The following PARD3B variants were observed in gnomAD, a reference collection of about 807,000 sequenced individuals.
PARD3B encodes partitioning defective 3 homolog B.
PARD3B carries 103 observed loss-of-function variants against 130.2 expected under a neutral mutation model. The observed-to-expected ratio is 0.79, with a 90% CI of 0.67 to 0.93. PARD3B has a LOEUF of 0.93. Among genes scored for constraint, PARD3B ranks in the 40% least tolerant of loss-of-function variants. The pLI is 0.00. For missense variants in PARD3B, 1,609 were observed against 1,499.2 expected (o/e 1.07, Z -1.21); for synonymous variants, 583 against 553.2 (o/e 1.05, Z -0.76).
chr2:205,332,284 T>C (rs1485701582), intron 18 of PARD3B, among the ~76,000 whole-genome samples: 1 of 152,214 alleles, frequency 6.6e-6, no homozygotes, highest in Non-Finnish European at 1.5e-5. Context: ...TTCTCATTTA[T>C]AACAATCCAT....
rs78705565 is a variant in PARD3B at position 204,696,103 on chromosome 2, C to T, written c.222+9821C>T. Among the ~76,000 whole-genome samples the T allele has an allele frequency of 3.4e-3, 523 of 151,754 alleles. 3 individuals carry two copies. The highest frequency in any genetic ancestry group is 0.012 in the African/African-American group (492 of 41,386). On this transcript the variant is annotated intron_variant, in intron 2 of 22. Transcript: ENST00000406610. ...CTGCCTATTTCTTAATGAGTAACAG[C>T]GGGTTCTATAAAATGGGAGGTGGGT...
chr2:204,961,535 A>G (rs971458736), intron 2 of PARD3B, among the ~76,000 whole-genome samples: 1 of 152,180 alleles, frequency 6.6e-6, no homozygotes, highest in African/African-American at 2.4e-5. Flanking sequence ...GCCTGGAGTT[A>G]TAGAAGGTCT....
rs1185727653 is a variant in PARD3B, at chr2:205,568,237, A to AT, written c.3260+14834_3260+14835insT. On this transcript the variant is annotated intron_variant, in intron 22 of 22. Transcript: ENST00000406610. The surrounding 1 kb of genome is among the most constrained non-coding windows in gnomAD (Gnocchi z 5.3). ...TGCCTTTCGTGAGAGAAAACATATG[A>AT]GATTAGTAAGATGCCCCAGACAATC... is the stretch of plus-strand genomic sequence containing the variant. 6.6e-6 allele frequency among the ~76,000 whole-genome samples: 1 copy of AT among 152,154 alleles called. No individual in the cohort carries two copies. Among genetic ancestry groups the AT allele is most frequent in the African/African-American group, 2.4e-5 (1 of 41,432 alleles).
At chr2:204,601,445 G>T (rs1051241026) in intron 1 of PARD3B, among the ~76,000 whole-genome samples, 1 of 151,958 alleles carries the variant, frequency 6.6e-6, no homozygotes, top group Admixed American at 6.6e-5. Context: ...AAGCTTAATT[G>T]TGAAACCTTA....
chr2:205,403,526 A>C (rs894235399), intron 19 of PARD3B, among the ~76,000 whole-genome samples: 1 of 152,188 alleles, frequency 6.6e-6, no homozygotes, highest in Non-Finnish European at 1.5e-5. Flanking sequence ...GAAAAAAAAA[A>C]CCAAATTCAA....
chr2:205,100,659 A>G (rs1025826932), intron 4 of PARD3B, among the ~76,000 whole-genome samples: 1 of 152,168 alleles, frequency 6.6e-6, no homozygotes, highest in Non-Finnish European at 1.5e-5. Flanking sequence ...TGAATAAAAT[A>G]CAATTGAGGA....
rs1407011849 is a variant in PARD3B at position 205,445,512 on chromosome 2, G to C, written c.3044+4840G>C. Among the ~76,000 whole-genome samples the C allele has an allele frequency of 2.0e-5, 3 of 152,238 alleles. No individual in the cohort carries two copies. In the East Asian group the frequency reaches 5.8e-4, roughly 30 times the overall value. On this transcript the variant is annotated intron_variant, in intron 20 of 22. Coordinates refer to ENST00000406610, the MANE Select transcript of PARD3B (RefSeq NM_001302769.2). ...ATGGCAGGGGCAGGAGCAAGACAGA[G>C]AGGAGGGAGGTGCTACACACTTCTA...
At chr2:205,566,449 G>C (rs540397803) in intron 22 of PARD3B, among the ~76,000 whole-genome samples, 3 of 152,126 alleles carry the variant, frequency 2.0e-5, no homozygotes, top group Non-Finnish European at 4.4e-5. Flanking sequence ...GATTGCATGT[G>C]GGGGTTTGAA....
intron 21 of PARD3B, among the ~76,000 whole-genome samples, chr2:205,524,081 TTC>T (rs1044433526): frequency 3.3e-5 from 5 of 152,264 alleles, no homozygotes; most frequent in African/African-American, 1.2e-4. Context: ...TATCTAACTT[TTC>T]TTTCTCTAAG....
intron 2 of PARD3B, among the ~76,000 whole-genome samples, chr2:204,760,884 T>C (rs1386159448): frequency 6.6e-6 from 1 of 152,204 alleles, no homozygotes; most frequent in Non-Finnish European, 1.5e-5. Context: ...TCACTTTCTA[T>C]TTAGAAGTTA....
chr2:205,208,185 C>T (rs1166352236), intron 15 of PARD3B, among the ~76,000 whole-genome samples: 2 of 97,670 alleles, frequency 2.0e-5, no homozygotes, highest in Non-Finnish European at 4.0e-5. Flanking sequence ...ATGCTAAAAA[C>T]TCTCAATAAA....
intron 2 of PARD3B, among the ~76,000 whole-genome samples, chr2:204,932,839 T>C (rs1225992759): frequency 1.3e-5 from 2 of 152,210 alleles, no homozygotes; most frequent in Non-Finnish European, 2.9e-5. Flanking sequence ...CAGTGACAGC[T>C]CATTAAAGGG....
At chr2:205,023,828 A>T (rs1050905327) in intron 3 of PARD3B, among the ~76,000 whole-genome samples, 1 of 152,082 alleles carries the variant, frequency 6.6e-6, no homozygotes, top group Admixed American at 6.6e-5. Flanking sequence ...AAAAAAACAG[A>T]TGTGTATTTA....
chr2:205,608,193 A>G (rs1014707402), intron 22 of PARD3B, among the ~76,000 whole-genome samples: 10 of 152,170 alleles, frequency 6.6e-5, no homozygotes, highest in African/African-American at 2.2e-4. Context: ...TTGGGCAGGT[A>G]ACTGTGTAGT....
chr2:204,670,244 C>T (rs2125204682), intron 1 of PARD3B, among the ~76,000 whole-genome samples: 1 of 152,302 alleles, frequency 6.6e-6, no homozygotes. Context: ...TTGCAAGCCA[C>T]ATGACCTCTG....
chr2:205,556,732 C>G (rs1364344401), intron 22 of PARD3B, among the ~76,000 whole-genome samples: 1 of 152,170 alleles, frequency 6.6e-6, no homozygotes, highest in Non-Finnish European at 1.5e-5. Context: ...GTTTTACCAG[C>G]CTCAACAGCC....
At chr2:204,637,268 GTA>G (rs2034918366) in intron 1 of PARD3B, among the ~76,000 whole-genome samples, 1 of 152,098 alleles carries the variant, frequency 6.6e-6, no homozygotes, top group Non-Finnish European at 1.5e-5. Context: ...AAGTACTAAT[GTA>G]ATTAATAATT....
At chr2:204,553,665 T>TATTTATATATATCC (rs2030676592) in intron 1 of PARD3B, among the ~76,000 whole-genome samples, 1 of 18,978 alleles carries the variant, frequency 5.3e-5, no homozygotes, top group South Asian at 1.9e-3. Flanking sequence ...TATATATATA[T>TATTTATATATATCC]ATATATATAT....
chr2:205,363,832 CTTTTTTTT>C (rs59271830), intron 18 of PARD3B, among the ~76,000 whole-genome samples: 4 of 97,202 alleles, frequency 4.1e-5, no homozygotes, highest in African/African-American at 6.3e-5. Flanking sequence ...GCCTGACTGA[CTTTTTTTT>C]TTTTTTTTTT....
Sources: gnomAD v4.1 joint callset for allele counts (sites outside exome capture counted in the v4.1 genomes callset) on GRCh38, gnomAD v4.1.1 for gene constraint, Gnocchi (gnomAD v3.1) non-coding constraint, MANE v1.5 for transcripts, NCBI Gene and HGNC (gene_info 2026-07-23, HGNC 2026-07-21) for gene names.